The following ADGRF5 variants were observed in gnomAD, a reference collection of about 807,000 sequenced individuals.
The protein encoded by ADGRF5 is G-protein coupled receptor 116.
In ADGRF5, 75 loss-of-function variants were observed where a neutral mutation model predicts 132.3. That is an observed-to-expected ratio of 0.57 (90% CI 0.47 to 0.69). The LOEUF (loss-of-function observed/expected upper bound fraction) is 0.69, where lower values mean the gene tolerates loss of function less well. ADGRF5 is among the 30% of genes least tolerant of loss of function. The probability of loss-of-function intolerance (pLI) is 0.00; values close to 1 mark genes in which losing one functional copy is unlikely to be tolerated. For missense variants in ADGRF5, 1,516 were observed against 1,630.6 expected (o/e 0.93, Z 1.21); for synonymous variants, 629 against 597.6 (o/e 1.05, Z -0.77).
chr6:46,861,180 G>A (rs1269804196), intron 15 of ADGRF5, among the ~76,000 whole-genome samples: 1 of 152,146 alleles, frequency 6.6e-6, no homozygotes, highest in Non-Finnish European at 1.5e-5. Context: ...TAGAGAAGTA[G>A]GTTAAAGTTG....
At chr6:46,915,852 C>G (rs1776373684) in intron 1 of ADGRF5, among the ~76,000 whole-genome samples, 1 of 152,074 alleles carries the variant, frequency 6.6e-6, no homozygotes, top group Non-Finnish European at 1.5e-5. Flanking sequence ...TCTGTAGAGG[C>G]AAACCCACAA....
At chr6:46,872,216 T>A (rs1771150948) in intron 10 of ADGRF5, among the ~76,000 whole-genome samples, 1 of 152,168 alleles carries the variant, frequency 6.6e-6, no homozygotes, top group South Asian at 2.1e-4. Context: ...CTCCATCACT[T>A]ACTAGCAAGA....
At chr6:46,921,286 G>C (rs1776913677) in intron 1 of ADGRF5, among the ~76,000 whole-genome samples, 1 of 152,240 alleles carries the variant, frequency 6.6e-6, no homozygotes, top group Non-Finnish European at 1.5e-5. Flanking sequence ...CTACTGGGAT[G>C]CAGCCTCTTC....
chr6:46,887,807 G>A (rs1001864974), intron 4 of ADGRF5: 9 of 152,378 alleles, frequency 5.9e-5, no homozygotes, highest in Non-Finnish European at 1.0e-4. Context: ...CATGACCTTG[G>A]AAAAGAGTTT....
At chr6:46,899,862 G>A (rs140856274) in intron 3 of ADGRF5, among the ~76,000 whole-genome samples, 167 bp downstream of exon 3, 10 of 152,056 alleles carry the variant, frequency 6.6e-5, no homozygotes, top group African/African-American at 2.4e-4. Context: ...ACTGTCATTT[G>A]GTAGAGAATG....
intron 1 of ADGRF5, among the ~76,000 whole-genome samples, chr6:46,910,215 A>G (rs112836025): frequency 4.2e-4 from 64 of 152,236 alleles, no homozygotes; most frequent in Middle Eastern, 3.4e-3. Flanking sequence ...ATTTTAGCCA[A>G]TGATATCCTC....
At chr6:46,864,965 G>A in intron 14 of ADGRF5, 77 bp downstream of exon 14, 1 of 942,030 alleles carries the variant, frequency 1.1e-6, no homozygotes, top group East Asian at 2.4e-5. Flanking sequence ...ATTGAATGGG[G>A]ATGAATGAGG....
At chr6:46,862,691 T>TTTGAA (rs1769904435) in intron 15 of ADGRF5, among the ~76,000 whole-genome samples, 197 bp downstream of exon 15, 1 of 138,036 alleles carries the variant, frequency 7.2e-6, no homozygotes, top group Non-Finnish European at 1.5e-5. Context: ...TGTCTTAGTA[T>TTTGAA]TTGAATTGAG....
intron 4 of ADGRF5, among the ~76,000 whole-genome samples, chr6:46,884,938 C>T (rs894215872): frequency 6.6e-6 from 1 of 152,146 alleles, no homozygotes; most frequent in African/African-American, 2.4e-5. Flanking sequence ...CACAGTGGCT[C>T]ACTCCTATAA....
chr6:46,919,317 C>A (rs1348380346), intron 1 of ADGRF5, among the ~76,000 whole-genome samples: 1 of 152,136 alleles, frequency 6.6e-6, no homozygotes, highest in African/African-American at 2.4e-5. Flanking sequence ...GCCATTGAGG[C>A]AAATAAATTA....
chr6:46,946,591 G>T (rs1561842399), intron 1 of ADGRF5, among the ~76,000 whole-genome samples: 1 of 152,142 alleles, frequency 6.6e-6, no homozygotes, highest in Non-Finnish European at 1.5e-5. Flanking sequence ...TAACAGGAAA[G>T]GGCCAATAAG....
At chr6:46,859,908 TTGAACTCCTGATC>T (rs1195315823) in intron 16 of ADGRF5, among the ~76,000 whole-genome samples, 2 of 152,102 alleles carry the variant, frequency 1.3e-5, no homozygotes, top group African/African-American at 4.8e-5. Flanking sequence ...CAGGCTGGTT[TTGAACTCCTGATC>T]TCAGGTGATC....
intron 16 of ADGRF5, among the ~76,000 whole-genome samples, chr6:46,860,273 C>A (rs766551936): frequency 1.3e-5 from 2 of 152,162 alleles, no homozygotes; most frequent in Non-Finnish European, 2.9e-5. Context: ...GTCTTTACCT[C>A]TGTAGGTATC....
At chr6:46,899,789 G>T (rs1429054891) in intron 3 of ADGRF5, among the ~76,000 whole-genome samples, 2 of 151,932 alleles carry the variant, frequency 1.3e-5, no homozygotes, top group Non-Finnish European at 2.9e-5. Flanking sequence ...TCCTAGGAAT[G>T]TGAGGAGCAG....
chr6:46,899,833 G>A (rs1053740853), intron 3 of ADGRF5, among the ~76,000 whole-genome samples, 196 bp downstream of exon 3: 2 of 151,988 alleles, frequency 1.3e-5, no homozygotes, highest in South Asian at 2.1e-4. Flanking sequence ...GGGTTCTTAC[G>A]TGTTGTTATG....
intron 6 of ADGRF5, among the ~76,000 whole-genome samples, chr6:46,882,911 C>A (rs1421746492): frequency 2.0e-5 from 3 of 152,090 alleles, no homozygotes; most frequent in Admixed American, 6.5e-5. Context: ...AGACAGGGCT[C>A]GGCTGCCAGG....
intron 8 of ADGRF5, 53 bp downstream of exon 8, chr6:46,881,402 A>G: frequency 1.3e-6 from 2 of 1,484,852 alleles, no homozygotes; most frequent in Non-Finnish European, 1.9e-6. Context: ...CTAATTTCCT[A>G]GGTTTACGCA....
At chr6:46,923,825 G>T (rs9472908), upstream of ADGRF5, among the ~76,000 whole-genome samples, 1,341 of 152,300 alleles carry the variant, frequency 8.8e-3, 20 homozygotes, top group African/African-American at 0.03. Context: ...CGGCAACCCA[G>T]AATGAACTGT....
At position 46,853,970 on chromosome 6, in the gene ADGRF5, C is replaced by T. The variant is rs117945872; in HGVS notation, c.*22G>A. On this transcript the variant is annotated 3_prime_UTR_variant, in exon 21 of 21. Coordinates refer to ENST00000283296, the MANE Select transcript of ADGRF5 (RefSeq NM_001098518.2). ...CACAGCCACTGTCCCCGGGAGGTCA[C>T]GTAGGTTGGATTATCCTGTTCTTAG... The T allele has an allele frequency of 1.8e-4, 280 of 1,543,684 alleles. 1 individual carries two copies. In the African/African-American group the frequency reaches 3.0e-3, roughly 17 times the overall value.
Sources: allele counts gnomAD v4.1 joint callset (sites outside exome capture counted in the v4.1 genomes callset), GRCh38; gene constraint gnomAD v4.1.1; transcripts MANE v1.5; gene names NCBI Gene and HGNC (gene_info 2026-07-23, HGNC 2026-07-21).